The following EP300 variants were observed in gnomAD, a reference collection of about 807,000 sequenced individuals.
EP300 encodes histone acetyltransferase p300.
EP300 carries 31 observed loss-of-function variants against 264.0 expected under a neutral mutation model. That is an observed-to-expected ratio of 0.12 (90% CI 0.09 to 0.16). EP300 has a LOEUF of 0.16. Among genes scored for constraint, EP300 ranks in the 10% least tolerant of loss-of-function variants. The pLI, the probability that EP300 is intolerant of heterozygous loss-of-function variation, is 1.00. For missense variants in EP300, 2,766 were observed against 3,052.9 expected (o/e 0.91, Z 2.21); for synonymous variants, 1,340 against 1,045.4 (o/e 1.28, Z -5.44).
At chr22:41,101,687 A>G (rs1017944498) in intron 1 of EP300, among the ~76,000 whole-genome samples, 1 of 152,138 alleles carries the variant, frequency 6.6e-6, no homozygotes, top group African/African-American at 2.4e-5. Context: ...CTGGGATTAC[A>G]GGGGTAAGCC....
intron 10 of EP300, among the ~76,000 whole-genome samples, chr22:41,141,654 G>A (rs955563972): frequency 6.6e-6 from 1 of 150,676 alleles, no homozygotes; most frequent in African/African-American, 2.4e-5. Context: ...AATATTCTAA[G>A]TCTAGGAACT....
intron 2 of EP300, 97 bp from the exon 3 acceptor site, chr22:41,125,767 A>G (rs1036077295): frequency 8.2e-6 from 11 of 1,336,624 alleles, no homozygotes; most frequent in Non-Finnish European, 1.2e-5. Flanking sequence ...ATTTCCTTTG[A>G]AACTGTCTTT....
chr22:41,135,708 G>A, intron 6 of EP300, 105 bp from the exon 7 acceptor site: 2 of 872,946 alleles, frequency 2.3e-6, no homozygotes, highest in Non-Finnish European at 3.8e-6. Context: ...TGTATATGCT[G>A]CAAATTTTTT....
intron 8 of EP300, among the ~76,000 whole-genome samples, chr22:41,139,851 C>T (rs2058971743): frequency 6.6e-6 from 1 of 152,118 alleles, no homozygotes; most frequent in African/African-American, 2.4e-5. Context: ...ATGACAAGGC[C>T]TGTTTTCCTC....
chr22:41,137,858 G>T, intron 8 of EP300, 68 bp downstream of exon 8: 1 of 1,607,118 alleles, frequency 6.2e-7, no homozygotes, highest in South Asian at 1.1e-5. Flanking sequence ...CAATCTCCTG[G>T]GCATTTAATT....
In EP300 at chr22:41,131,515, T is replaced by C; in HGVS notation, c.1410T>C (p.Ala470=). ...GCTCCATAGAAAGAGCCTATGCAGCTCTTGGACTACCCTATCAAGTAAATC... is the reference window on the plus strand; with the variant it reads ...GCTCCATAGAAAGAGCCTATGCAGCCCTTGGACTACCCTATCAAGTAAATC... The part of the protein sequence containing the change: ...DPSSIERAYA[A]LGLPYQVNQM... The change falls in exon 6 of 31, where the codon GCT becomes GCC. Residue 470 remains alanine (A), a synonymous_variant. Coordinates refer to ENST00000263253, the MANE Select transcript of EP300 (RefSeq NM_001429.4). 2 of 1,614,092 alleles carry C rather than the reference T, an allele frequency of 1.2e-6. No homozygotes were observed. Among genetic ancestry groups the C allele is most frequent in the Non-Finnish European group, 1.7e-6 (2 of 1,180,026 alleles).
Position 41,156,777 on chromosome 22 carries a change from CTT to C in EP300, c.3262-391_3262-390del, listed in dbSNP as rs1170437647. ...AAAAGCCTTTTAGGACTTTTCCTCT[CTT>C]GTATCTTGCTGTGATTTCAGATGGA... On this transcript the variant is annotated intron_variant, in intron 17 of 30. Coordinates refer to ENST00000263253, the MANE Select transcript of EP300 (RefSeq NM_001429.4). Among the ~76,000 whole-genome samples, 8 of 152,054 alleles carry C rather than the reference CTT, an allele frequency of 5.3e-5. No individual in the cohort carries two copies. The East Asian group carries it at 1.5e-3, about 29-fold the overall frequency.
At chr22:41,140,896 A>G (rs1601613259) in intron 9 of EP300, 152 bp from the exon 10 acceptor site, 5 of 693,550 alleles carry the variant, frequency 7.2e-6, no homozygotes, top group East Asian at 5.6e-5. Flanking sequence ...CAGATTCTCT[A>G]CATAAGTTGA....
chr22:41,142,213 T>TAGGAAATGCTAATGACCTCTA (rs1555908909), intron 10 of EP300, among the ~76,000 whole-genome samples: 1 of 152,156 alleles, frequency 6.6e-6, no homozygotes, highest in Non-Finnish European at 1.5e-5. Flanking sequence ...TTTACTGAGT[T>TAGGAAATGCTAATGACCTCTA]AGGAAATGCT....
chr22:41,137,985 A>G (rs577773665), intron 8 of EP300, among the ~76,000 whole-genome samples, 195 bp downstream of exon 8: 3 of 152,200 alleles, frequency 2.0e-5, no homozygotes, highest in Non-Finnish European at 2.9e-5. Flanking sequence ...ACCATCATCT[A>G]TGGTAGTCTT....
intron 1 of EP300, among the ~76,000 whole-genome samples, chr22:41,099,280 A>T (rs899262696): frequency 4.0e-5 from 6 of 151,444 alleles, no homozygotes; most frequent in African/African-American, 1.5e-4. Flanking sequence ...TGATCCACCC[A>T]CCTCGGCCTC....
intron 1 of EP300, among the ~76,000 whole-genome samples, chr22:41,113,337 C>A (rs553394518): frequency 1.3e-4 from 20 of 151,840 alleles, no homozygotes; most frequent in Admixed American, 1.3e-3. Flanking sequence ...TTTTTCTTAA[C>A]CTTCTTGAAG....
At chr22:41,163,888 G>A (rs1183983353) in intron 21 of EP300, among the ~76,000 whole-genome samples, 165 bp from the exon 22 acceptor site, 2 of 152,184 alleles carry the variant, frequency 1.3e-5, no homozygotes, top group Non-Finnish European at 2.9e-5. Flanking sequence ...ACTCCAGCCT[G>A]TACAACAGAG....
intron 14 of EP300, among the ~76,000 whole-genome samples, chr22:41,151,412 C>G (rs5751053): frequency 0.61 from 92,542 of 152,048 alleles, 28,768 homozygotes; most frequent in East Asian, 0.81. Flanking sequence ...CAGCCACTCT[C>G]TGGGACATCA....
At chr22:41,169,474 T>TC in intron 25 of EP300, 29 bp from the exon 26 acceptor site, 2 of 1,470,008 alleles carry the variant, frequency 1.4e-6, no homozygotes, top group Non-Finnish European at 1.9e-6. Context: ...ACTTTTTTTT[T>TC]CCTCTTCATT....
intron 1 of EP300, among the ~76,000 whole-genome samples, chr22:41,105,814 CTTT>C (rs1433302764): frequency 6.6e-6 from 1 of 152,188 alleles, no homozygotes; most frequent in African/African-American, 2.4e-5. Flanking sequence ...TTTGCTTGCA[CTTT>C]TGCCCTTTCA....
At chr22:41,106,548 C>T in intron 1 of EP300, among the ~76,000 whole-genome samples, 1 of 152,188 alleles carries the variant, frequency 6.6e-6, no homozygotes, top group East Asian at 1.9e-4. Context: ...ATCTGTCAAG[C>T]TCCTACTCAT....
intron 23 of EP300, among the ~76,000 whole-genome samples, chr22:41,167,853 A>T (rs2059148915): frequency 1.5e-4 from 4 of 27,072 alleles, no homozygotes; most frequent in Non-Finnish European, 2.7e-4. Flanking sequence ...TTTTTTTTTG[A>T]GACAGAGTCT....
chr22:41,166,705 A>T, intron 23 of EP300, 39 bp downstream of exon 23: 1 of 1,418,342 alleles, frequency 7.1e-7, no homozygotes, highest in Non-Finnish European at 9.9e-7. Context: ...GGCAAAACTT[A>T]TCTGAAGCCT....
Sources: allele counts gnomAD v4.1 joint callset (sites outside exome capture counted in the v4.1 genomes callset), GRCh38; gene constraint gnomAD v4.1.1; transcripts MANE v1.5; gene names NCBI Gene and HGNC (gene_info 2026-07-23, HGNC 2026-07-21).